The following DNAJC5 variants were observed in gnomAD, a reference collection of about 807,000 sequenced individuals.
DNAJC5 encodes the protein DnaJ heat shock protein family (Hsp40) member C5, also known as dnaJ homolog subfamily C member 5.
DNAJC5 carries 1 observed loss-of-function variant against 23.2 expected under a neutral mutation model. That is an observed-to-expected ratio of 0.04 (90% CI 0.02 to 0.20). The LOEUF is 0.20. DNAJC5 is among the 10% of genes least tolerant of loss of function. The pLI is 1.00. For missense variants in DNAJC5, 180 were observed against 267.0 expected, an observed-to-expected ratio of 0.67 and a Z score of 2.27; for synonymous variants, 136 against 120.0, an observed-to-expected ratio of 1.13 and a Z score of -0.87.
intron 1 of DNAJC5, among the ~76,000 whole-genome samples, chr20:63,922,050 AT>A (rs2053577883): frequency 1.3e-5 from 2 of 152,212 alleles, no homozygotes; most frequent in African/African-American, 4.8e-5. Context: ...AAGTGCTGGA[AT>A]TACAGGCGTG....
chr20:63,930,159 C>T (rs554579418), intron 3 of DNAJC5, among the ~76,000 whole-genome samples: 1 of 152,348 alleles, frequency 6.6e-6, no homozygotes, highest in East Asian at 1.9e-4. Context: ...GGCCTCCTCA[C>T]TAGAATCCTT....
rs1370788246 is a variant in DNAJC5 at position 63,929,957 on chromosome 20, A to G, written c.321+432A>G. The stretch of plus-strand genomic sequence containing the variant: ...TAGCGTACAGATTGTCCCAGGGAAG[A>G]GCCGTGCGGAGCCGCCAGGGTTTCT... On this transcript the variant is annotated intron_variant, in intron 3 of 4. Transcript: ENST00000360864. The surrounding 1 kb of genome is among the most constrained non-coding windows in gnomAD (Gnocchi z 8.6). Among the ~76,000 whole-genome samples, 1 of 151,558 alleles carries G rather than the reference A, an allele frequency of 6.6e-6. No individual in the cohort carries two copies. Among genetic ancestry groups the G allele is most frequent in the Admixed American group, 6.6e-5 (1 of 15,250 alleles).
Position 63,929,931 on chromosome 20 carries a change from A to G in DNAJC5, c.321+406A>G, listed in dbSNP as rs937215085. Among the ~76,000 whole-genome samples the G allele has an allele frequency of 2.7e-4, 41 of 152,244 alleles. 1 individual carries two copies. The highest frequency in any genetic ancestry group is 2.5e-3 in the Admixed American group (38 of 15,296). ...CTTGGTGTCCTGCCTGGAACAAGCC[A>G]TAGCGTACAGATTGTCCCAGGGAAG... On this transcript the variant is annotated intron_variant, in intron 3 of 4. Coordinates refer to ENST00000360864, the MANE Select transcript of DNAJC5 (RefSeq NM_025219.3). The surrounding 1 kb of genome is among the most constrained non-coding windows in gnomAD (Gnocchi z 8.6).
intron 1 of DNAJC5, chr20:63,909,107 A>G (rs817381): frequency 0.49 from 74,715 of 151,786 alleles, 19,389 homozygotes; most frequent in East Asian, 0.84. Context: ...GACTGTGTTC[A>G]CACTGTCCCC....
At chr20:63,901,934 A>G (rs1020348733) in intron 1 of DNAJC5, among the ~76,000 whole-genome samples, 1 of 152,096 alleles carries the variant, frequency 6.6e-6, no homozygotes, top group African/African-American at 2.4e-5. Flanking sequence ...TTACCACAGC[A>G]CTTTGGTGTT....
At position 63,934,522 on chromosome 20, in the gene DNAJC5, G is replaced by C. The variant is rs534278396; in HGVS notation, c.*2954G>C. On this transcript the variant is annotated 3_prime_UTR_variant, in exon 5 of 5. Coordinates refer to ENST00000360864, the MANE Select transcript of DNAJC5 (RefSeq NM_025219.3). The stretch of plus-strand genomic sequence containing the variant: ...GGTCCGGGCAGCACTGACTGCTTCC[G>C]ACCTGCAGGAGGCGTAGGAGCGGCC... 1 of 152,280 alleles carries C rather than the reference G, an allele frequency of 6.6e-6. No homozygotes were observed. Among genetic ancestry groups the C allele is most frequent in the African/African-American group, 2.4e-5 (1 of 41,468 alleles). 9.4% of individuals were successfully genotyped at this position (152,280 alleles called of 1,614,324 possible).
In DNAJC5 at chr20:63,930,828, ACAC is replaced by A. The variant is rs1410187166; in HGVS notation, c.322-18_322-16del. ...CTCCAGGGGCCTCGGAGGCCATGCA[ACAC>A]CACCTTCTTCTCCCCCCAGGCCCTG... On this transcript the variant is annotated intron_variant, in intron 3 of 4. Coordinates refer to ENST00000360864, the MANE Select transcript of DNAJC5 (RefSeq NM_025219.3). 8 of 1,611,440 alleles carry A rather than the reference ACAC, an allele frequency of 5.0e-6. No individual in the cohort carries two copies. In the Admixed American group the frequency reaches 8.3e-5, roughly 17 times the overall value.
intron 1 of DNAJC5, among the ~76,000 whole-genome samples, chr20:63,908,489 G>A (rs932653495): frequency 5.3e-5 from 8 of 152,186 alleles, no homozygotes; most frequent in Non-Finnish European, 8.8e-5. Context: ...GGGTGGAGCC[G>A]CAGCCAGGGT....
chr20:63,931,308 C>T lies in DNAJC5; in HGVS notation c.494-157C>T. Reference sequence around the variant, plus strand: ...TGAGGGCCGAGGGCTGGCGGTGACCCAAGGCGACGGAGGAAAGCCGTGTGG... The same window carrying T: ...TGAGGGCCGAGGGCTGGCGGTGACCTAAGGCGACGGAGGAAAGCCGTGTGG... On this transcript the variant is annotated intron_variant, in intron 4 of 4. Coordinates refer to ENST00000360864, the MANE Select transcript of DNAJC5 (RefSeq NM_025219.3). The surrounding 1 kb of genome is among the most constrained non-coding windows in gnomAD (Gnocchi z 9.6). The T allele has an allele frequency of 1.2e-6, 1 of 856,244 alleles. No homozygotes were observed. The highest frequency in any genetic ancestry group is 2.0e-5 in the Admixed American group (1 of 49,562). The allele number at this position is 856,244 out of a possible 1,614,324, so 53.0% of individuals were successfully genotyped here.
At chr20:63,899,903 T>A (rs6011214) in intron 1 of DNAJC5, among the ~76,000 whole-genome samples, 2 of 128,690 alleles carry the variant, frequency 1.6e-5, no homozygotes, top group South Asian at 2.6e-4. Context: ...TTTTTTTTGG[T>A]TGGGGGACGG....
At chr20:63,898,156 C>T (rs1411873676) in intron 1 of DNAJC5, among the ~76,000 whole-genome samples, 2 of 152,124 alleles carry the variant, frequency 1.3e-5, no homozygotes, top group Non-Finnish European at 2.9e-5. Flanking sequence ...CAGGAAGAGC[C>T]CTGTACAAGG....
intron 1 of DNAJC5, among the ~76,000 whole-genome samples, chr20:63,906,904 C>T (rs2053451978): frequency 6.6e-6 from 1 of 152,026 alleles, no homozygotes; most frequent in South Asian, 2.1e-4. Flanking sequence ...AGGAGTTTGC[C>T]TAGCCTGGGC....
chr20:63,911,720 C>G (rs998560517), intron 1 of DNAJC5, among the ~76,000 whole-genome samples: 1 of 151,568 alleles, frequency 6.6e-6, no homozygotes, highest in African/African-American at 2.4e-5. Context: ...GTCAATCAGG[C>G]TGGAGTGCGG....
At chr20:63,900,050 G>A (rs972473168) in intron 1 of DNAJC5, among the ~76,000 whole-genome samples, 7 of 151,538 alleles carry the variant, frequency 4.6e-5, no homozygotes, top group Non-Finnish European at 7.4e-5. Context: ...CATGACACCC[G>A]GCTAATTTTT....
chr20:63,922,912 G>A (rs1260184849), intron 1 of DNAJC5, among the ~76,000 whole-genome samples: 2 of 151,404 alleles, frequency 1.3e-5, no homozygotes, highest in African/African-American at 2.4e-5. Context: ...AGGCTGAGGC[G>A]GGTGGCTCAC....
chr20:63,905,940 G>A (rs1040408832), intron 1 of DNAJC5, among the ~76,000 whole-genome samples: 2 of 151,528 alleles, frequency 1.3e-5, no homozygotes, highest in South Asian at 4.2e-4. Context: ...TCACCATGTT[G>A]GCCAGGCTGG....
intron 1 of DNAJC5, among the ~76,000 whole-genome samples, chr20:63,926,584 G>A (rs2053618069): frequency 6.6e-6 from 1 of 152,238 alleles, no homozygotes; most frequent in African/African-American, 2.4e-5. Context: ...TATGGAGACG[G>A]AATCTCATGC....
chr20:63,932,708 A>G lies in DNAJC5; in HGVS notation c.*1140A>G, dbSNP rs1176057299. On this transcript the variant is annotated 3_prime_UTR_variant, in exon 5 of 5. Transcript: ENST00000360864. The surrounding 1 kb of genome is among the most constrained non-coding windows in gnomAD (Gnocchi z 4.4). ...CCCTGGAGGAAGGACTGACTGGACC[A>G]GAGGGACCCTCTGGCTCAGGAGGGT... 6.6e-6 allele frequency: 1 copy of G among 152,352 alleles called. No homozygotes were observed. Among genetic ancestry groups the G allele is most frequent in the African/African-American group, 2.4e-5 (1 of 41,456 alleles). The allele number at this position is 152,352 out of a possible 1,614,324, so 9.4% of individuals were successfully genotyped here.
intron 1 of DNAJC5, among the ~76,000 whole-genome samples, chr20:63,913,409 T>C (rs961770630): frequency 6.6e-6 from 1 of 151,718 alleles, no homozygotes; most frequent in Non-Finnish European, 1.5e-5. Flanking sequence ...TTTTTTTTTT[T>C]TTAGTGAGAC....
Sources: gnomAD v4.1 joint callset for allele counts (sites outside exome capture counted in the v4.1 genomes callset) on GRCh38, gnomAD v4.1.1 for gene constraint, Gnocchi (gnomAD v3.1) non-coding constraint, MANE v1.5 for transcripts, NCBI Gene and HGNC (gene_info 2026-07-23, HGNC 2026-07-21) for gene names.